Variants in INSR observed in about 807,000 individuals in gnomAD.
The protein encoded by INSR is insulin receptor, also known as IR.
INSR carries 67 observed loss-of-function variants against 142.6 expected under a neutral mutation model. The observed-to-expected ratio is 0.47, with a 90% CI of 0.39 to 0.58. The LOEUF (loss-of-function observed/expected upper bound fraction) is 0.58, where lower values mean the gene tolerates loss of function less well. Ranked by LOEUF, INSR falls within the 20% of genes least tolerant of loss-of-function variation. The probability of loss-of-function intolerance (pLI) is 0.00; values close to 1 mark genes in which losing one functional copy is unlikely to be tolerated. For synonymous variants in INSR, 756 were observed against 743.1 expected, an observed-to-expected ratio of 1.02 and a Z score of -0.28; for missense variants, 1,248 against 1,833.2, an observed-to-expected ratio of 0.68 and a Z score of 5.83.
intron 3 of INSR, among the ~76,000 whole-genome samples, chr19:7,181,799 T>G (rs1568468720): frequency 6.6e-6 from 1 of 151,306 alleles, no homozygotes; most frequent in African/African-American, 2.4e-5. Flanking sequence ...CAGGCTGACC[T>G]TGAACTCCTG....
chr19:7,291,938 G>A (rs911938819), intron 1 of INSR, among the ~76,000 whole-genome samples: 1 of 151,892 alleles, frequency 6.6e-6, no homozygotes, highest in Non-Finnish European at 1.5e-5. Context: ...GACTACAGGC[G>A]CCCGCCACCA....
Position 7,185,750 on chromosome 19 carries a change from C to T in INSR, c.653-1113G>A, listed in dbSNP as rs753605423. ...CCCAGCTGCTCAGGAGGCTGAGGCACGAGAATCACTTGAATCTGGGAGGTG... is the reference window on the plus strand; with the variant it reads ...CCCAGCTGCTCAGGAGGCTGAGGCATGAGAATCACTTGAATCTGGGAGGTG... On this transcript the variant is annotated intron_variant, in intron 2 of 21. Transcript: ENST00000302850. 1.1e-4 allele frequency among the ~76,000 whole-genome samples: 14 copies of T among 133,030 alleles called. No homozygotes were observed. In the South Asian group the frequency reaches 2.2e-3, roughly 21 times the overall value. 87.3% of individuals were successfully genotyped at this position (133,030 alleles called of 152,430 possible). A position where few individuals can be genotyped will look rare whatever the true frequency, so the allele number is the denominator to read the frequency against.
intron 1 of INSR, among the ~76,000 whole-genome samples, chr19:7,288,950 GA>G (rs34590794): frequency 0.45 from 39,423 of 88,516 alleles, 6,611 homozygotes; most frequent in Admixed American, 0.57. Context: ...GTGAAGAAGT[GA>G]AAAAAAAAAA....
chr19:7,249,843 T>C (rs376811804), intron 2 of INSR, among the ~76,000 whole-genome samples: 43 of 151,974 alleles, frequency 2.8e-4, no homozygotes, highest in Admixed American at 1.6e-3. Context: ...ATACAAAAAA[T>C]TAGCCGGGCG....
At chr19:7,272,113 G>A (rs910459137) in intron 1 of INSR, among the ~76,000 whole-genome samples, 5 of 152,118 alleles carry the variant, frequency 3.3e-5, no homozygotes, top group Admixed American at 1.3e-4. Flanking sequence ...GACCATCCTG[G>A]CCAACATGGT....
chr19:7,277,326 C>T (rs979337476), intron 1 of INSR, among the ~76,000 whole-genome samples: 4 of 151,642 alleles, frequency 2.6e-5, no homozygotes, highest in Admixed American at 2.0e-4. Flanking sequence ...GAAATCATTC[C>T]TGTATTCACT....
chr19:7,197,933 GT>G (rs1974827083), intron 2 of INSR, among the ~76,000 whole-genome samples: 1 of 140,378 alleles, frequency 7.1e-6, no homozygotes, highest in African/African-American at 3.2e-5. Flanking sequence ...GTGTGTGTGT[GT>G]GTGTGTGTGT....
intron 9 of INSR, among the ~76,000 whole-genome samples, chr19:7,155,540 C>CAAA (rs57822054): frequency 0.012 from 1,273 of 102,954 alleles, 13 homozygotes; most frequent in Middle Eastern, 0.043. Context: ...TTCCATCTCT[C>CAAA]AAAAAAAAAA....
intron 2 of INSR, among the ~76,000 whole-genome samples, chr19:7,200,261 A>G (rs1974916269): frequency 6.6e-6 from 1 of 152,200 alleles, no homozygotes; most frequent in Non-Finnish European, 1.5e-5. Context: ...ACAGAAAAGA[A>G]GAGGCTGGCT....
chr19:7,166,044 A>AG lies in INSR; in HGVS notation c.1861+109_1861+110insC. 1 of 1,286,192 alleles carries AG rather than the reference A, an allele frequency of 7.8e-7. No homozygotes were observed. The highest frequency in any genetic ancestry group is 2.4e-5 in the East Asian group (1 of 42,354). The allele number at this position is 1,286,192 out of a possible 1,614,324, so 79.7% of individuals were successfully genotyped here. On this transcript the variant is annotated intron_variant, in intron 8 of 21. Transcript: ENST00000302850. The surrounding 1 kb of genome is among the most constrained non-coding windows in gnomAD (Gnocchi z 4.1). ...GTAAGACCCTGTCTAAAAAAAAAAA[A>AG]AAAGCCAATAACCATATCAAGGAGC...
At chr19:7,214,235 C>A (rs1049358880) in intron 2 of INSR, among the ~76,000 whole-genome samples, 2 of 152,218 alleles carry the variant, frequency 1.3e-5, no homozygotes, top group African/African-American at 4.8e-5. Context: ...GCAATGACCT[C>A]TTTCCTCCCT....
chr19:7,237,265 T>C (rs8108933), intron 2 of INSR, among the ~76,000 whole-genome samples: 7,363 of 152,088 alleles, frequency 0.048, 446 homozygotes, highest in African/African-American at 0.14. Flanking sequence ...ACGCCTGTAA[T>C]CCCAGCACAT....
chr19:7,226,415 A>G (rs1464950450), intron 2 of INSR, among the ~76,000 whole-genome samples: 1 of 208 alleles, frequency 4.8e-3, no homozygotes, highest in African/African-American at 0.024. Context: ...TCTCAAGGGA[A>G]AAAAAAAAAA....
chr19:7,230,392 C>T (rs755539509), intron 2 of INSR, among the ~76,000 whole-genome samples: 2 of 152,192 alleles, frequency 1.3e-5, no homozygotes, highest in Non-Finnish European at 1.5e-5. Context: ...TTCTGTCAGC[C>T]TCAACTTCTC....
intron 2 of INSR, among the ~76,000 whole-genome samples, chr19:7,262,348 C>T (rs1181831577): frequency 2.0e-5 from 3 of 152,060 alleles, no homozygotes; most frequent in Admixed American, 6.6e-5. Flanking sequence ...GGCAGGTGCC[C>T]GTAATCCGAG....
intron 9 of INSR, among the ~76,000 whole-genome samples, chr19:7,161,581 T>C (rs1169246613): frequency 6.6e-6 from 1 of 152,060 alleles, no homozygotes; most frequent in African/African-American, 2.4e-5. Context: ...GGGTGGGGGA[T>C]ATGAGATAAC....
intron 21 of INSR, among the ~76,000 whole-genome samples, chr19:7,118,326 G>A (rs1413188795): frequency 3.3e-5 from 5 of 151,794 alleles, no homozygotes; most frequent in Admixed American, 2.0e-4. Flanking sequence ...GTGTGTCTGT[G>A]TTTGTTTTTG....
At chr19:7,286,249 C>T (rs986509065) in intron 1 of INSR, among the ~76,000 whole-genome samples, 4 of 151,998 alleles carry the variant, frequency 2.6e-5, no homozygotes, top group Non-Finnish European at 5.9e-5. Context: ...TCCCAAAGTG[C>T]TGGGATTACA....
At position 7,219,646 on chromosome 19, in the gene INSR, AGGAAGGAG is replaced by A. The variant is rs1347325017; in HGVS notation, c.653-35017_653-35010del. 4.7e-4 allele frequency among the ~76,000 whole-genome samples: 71 copies of A among 151,342 alleles called. No individual in the cohort carries two copies. In the East Asian group the frequency reaches 0.011, roughly 23 times the overall value. On this transcript the variant is annotated intron_variant, in intron 2 of 21. Transcript: ENST00000302850. Reference sequence around the variant, plus strand: ...AGGGAGGGAAAGGAAAAGAAAGGAAAGGAAGGAGGGAAGGAGGGAAGGAAGGGAAAGAA... The same window carrying A: ...AGGGAGGGAAAGGAAAAGAAAGGAAAGGAAGGAGGGAAGGAAGGGAAAGAA...
Sources: gnomAD v4.1 joint callset for allele counts (sites outside exome capture counted in the v4.1 genomes callset) on GRCh38, gnomAD v4.1.1 for gene constraint, Gnocchi (gnomAD v3.1) non-coding constraint, MANE v1.5 for transcripts, NCBI Gene and HGNC (gene_info 2026-07-23, HGNC 2026-07-21) for gene names.